The following KCNH1 variants were observed in gnomAD, a reference collection of about 807,000 sequenced individuals.
The protein encoded by KCNH1 is potassium voltage-gated channel subfamily H member 1, also known as voltage-gated delayed rectifier potassium channel KCNH1.
Under a neutral mutation model 69.2 loss-of-function variants are expected in KCNH1, and 27 were observed. The ratio of observed to expected loss-of-function variants is 0.39; its 90% CI spans 0.29 to 0.54. KCNH1 has a LOEUF of 0.54. Among genes scored for constraint, KCNH1 ranks in the 20% least tolerant of loss-of-function variants. The pLI is 0.68. For synonymous variants in KCNH1, 456 were observed against 487.7 expected, an observed-to-expected ratio of 0.93 and a Z score of 0.86; for missense variants, 798 against 1,261.6, an observed-to-expected ratio of 0.63 and a Z score of 5.57.
At chr1:210,809,098 C>CAGAA (rs1271559242) in intron 7 of KCNH1, among the ~76,000 whole-genome samples, 1 of 144,480 alleles carries the variant, frequency 6.9e-6, no homozygotes, top group East Asian at 2.0e-4. Flanking sequence ...GATTCCTACC[C>CAGAA]AGAAAGAAAG....
chr1:210,858,317 G>A (rs987348575), intron 7 of KCNH1: 10 of 152,112 alleles, frequency 6.6e-5, no homozygotes, highest in African/African-American at 2.4e-4. Context: ...AGGACACAGA[G>A]GGAGTTGTCA....
rs114249401 is a variant in KCNH1 at position 210,791,288 on chromosome 1, A to T, written c.1915+6220T>A. The stretch of plus-strand genomic sequence containing the variant: ...AAAAACATCAAGCGGTGACTGCCTA[A>T]AGCAATGTTTCTCAAAGTGCAGTCC... On this transcript the variant is annotated intron_variant, in intron 9 of 10. Coordinates refer to ENST00000271751, the MANE Select transcript of KCNH1 (RefSeq NM_172362.3). 6.3e-3 allele frequency among the ~76,000 whole-genome samples: 955 copies of T among 152,318 alleles called. 6 individuals are homozygous for T. Among genetic ancestry groups the T allele is most frequent in the Middle Eastern group, 0.017 (5 of 294 alleles).
intron 10 of KCNH1, among the ~76,000 whole-genome samples, chr1:210,746,945 C>T (rs999607200): frequency 1.3e-5 from 2 of 152,154 alleles, no homozygotes; most frequent in Admixed American, 6.5e-5. Context: ...AAATTGTTGA[C>T]TTCAGCACAG....
At chr1:210,782,682 T>A (rs1684010533) in intron 9 of KCNH1, among the ~76,000 whole-genome samples, 1 of 151,872 alleles carries the variant, frequency 6.6e-6, no homozygotes, top group Admixed American at 6.6e-5. Flanking sequence ...GCTGAGATTG[T>A]GCCATTGCAT....
chr1:210,784,524 GT>G (rs1196252537), intron 9 of KCNH1, among the ~76,000 whole-genome samples: 1 of 152,064 alleles, frequency 6.6e-6, no homozygotes, highest in East Asian at 1.9e-4. Context: ...TAACCGACAT[GT>G]TTTTTTGGAT....
intron 6 of KCNH1, among the ~76,000 whole-genome samples, chr1:210,942,155 A>G (rs1687888470): frequency 6.6e-6 from 1 of 152,262 alleles, no homozygotes; most frequent in Non-Finnish European, 1.5e-5. Context: ...AACATACTTA[A>G]TCATTCTGTG....
At chr1:211,061,090 G>A (rs1382359710) in intron 5 of KCNH1, among the ~76,000 whole-genome samples, 8 of 151,982 alleles carry the variant, frequency 5.3e-5, no homozygotes, top group African/African-American at 9.7e-5. Context: ...ATTCAATAAC[G>A]CATTAAAAAG....
chr1:210,860,906 T>C lies in KCNH1; in HGVS notation c.1463-56740A>G, dbSNP rs144745870. ...CTGCTGAAGAGAGAGAACACATGAT[T>C]CTGCAACATGTATTCCATCTGATCA... is the stretch of plus-strand genomic sequence containing the variant. On this transcript the variant is annotated intron_variant, in intron 7 of 10. Coordinates refer to ENST00000271751, the MANE Select transcript of KCNH1 (RefSeq NM_172362.3). The C allele has an allele frequency of 9.9e-3, 9,272 of 938,474 alleles. 112 individuals are homozygous for C. Among genetic ancestry groups the C allele is most frequent in the South Asian group, 0.026 (2,036 of 77,090 alleles). 58.1% of individuals were successfully genotyped at this position (938,474 alleles called of 1,614,324 possible). A position where few individuals can be genotyped will look rare whatever the true frequency, so the allele number is the denominator to read the frequency against.
At chr1:210,841,488 AATG>A (rs1353408686) in intron 7 of KCNH1, among the ~76,000 whole-genome samples, 1 of 152,208 alleles carries the variant, frequency 6.6e-6, no homozygotes, top group Non-Finnish European at 1.5e-5. Flanking sequence ...TTAATTGCGA[AATG>A]ATAACTTCTA....
At chr1:210,910,050 G>A (rs1687196759) in intron 7 of KCNH1, among the ~76,000 whole-genome samples, 1 of 151,618 alleles carries the variant, frequency 6.6e-6, no homozygotes, top group African/African-American at 2.4e-5. Flanking sequence ...CCTGTCTTTT[G>A]ACACATGGTA....
intron 1 of KCNH1, among the ~76,000 whole-genome samples, chr1:211,128,282 C>CA (rs374161835): frequency 0.086 from 4,687 of 54,206 alleles, 268 homozygotes; most frequent in African/African-American, 0.22. Context: ...GATTCTGTCT[C>CA]AAAAAAAAAA....
intron 6 of KCNH1, among the ~76,000 whole-genome samples, chr1:210,980,278 T>C (rs933688071): frequency 6.6e-6 from 1 of 152,196 alleles, no homozygotes; most frequent in Non-Finnish European, 1.5e-5. Flanking sequence ...GCAGCCATAA[T>C]GAAGAGGAGC....
chr1:210,882,751 G>T (rs72757552), intron 7 of KCNH1, among the ~76,000 whole-genome samples: 1 of 152,128 alleles, frequency 6.6e-6, no homozygotes, highest in Non-Finnish European at 1.5e-5. Flanking sequence ...GGCTGAATGT[G>T]CTCGCTGGAG....
intron 7 of KCNH1, among the ~76,000 whole-genome samples, chr1:210,832,917 T>TATATATATATATATAC (rs1389330212): frequency 7.8e-6 from 1 of 128,980 alleles, no homozygotes; most frequent in African/African-American, 2.7e-5. Flanking sequence ...CATATATATA[T>TATATATATATATATAC]ATATACATAT....
intron 9 of KCNH1, among the ~76,000 whole-genome samples, chr1:210,793,876 C>A (rs549706868): frequency 6.6e-6 from 1 of 152,202 alleles, no homozygotes; most frequent in Non-Finnish European, 1.5e-5. Context: ...TATGGCAATG[C>A]GAATCATGCA....
intron 6 of KCNH1, among the ~76,000 whole-genome samples, chr1:210,986,632 A>G (rs1449573427): frequency 6.6e-6 from 1 of 152,198 alleles, no homozygotes; most frequent in Non-Finnish European, 1.5e-5. Context: ...TCTGGCTTGT[A>G]GAATTTCTGC....
chr1:210,787,460 T>C (rs1212193745), intron 9 of KCNH1, among the ~76,000 whole-genome samples: 2 of 152,248 alleles, frequency 1.3e-5, no homozygotes. Context: ...GTTGGCTTTA[T>C]GAGAGGTGTA....
chr1:210,794,122 T>A (rs976268810), intron 9 of KCNH1, among the ~76,000 whole-genome samples: 1 of 152,208 alleles, frequency 6.6e-6, no homozygotes, highest in Non-Finnish European at 1.5e-5. Context: ...CCAAAAGATA[T>A]GCTAATTATA....
chr1:210,948,059 A>AC (rs1553363372), intron 6 of KCNH1, among the ~76,000 whole-genome samples: 1 of 150,132 alleles, frequency 6.7e-6, no homozygotes, highest in Non-Finnish European at 1.5e-5. Context: ...AAAAAAAAAA[A>AC]GGAAAAAATT....
Sources: allele counts gnomAD v4.1 joint callset (sites outside exome capture counted in the v4.1 genomes callset), GRCh38; gene constraint gnomAD v4.1.1; transcripts MANE v1.5; gene names NCBI Gene and HGNC (gene_info 2026-07-23, HGNC 2026-07-21).